ENOX1: variants seen among roughly 807,000 people sequenced by gnomAD.
The protein encoded by ENOX1 is ecto-NOX disulfide-thiol exchanger 1.
A neutral mutation model predicts 82.5 loss-of-function variants in ENOX1; 42 were observed. The observed-to-expected ratio is 0.51, with a 90% CI of 0.40 to 0.66. The LOEUF is 0.66. Ranked by LOEUF, ENOX1 falls within the 30% of genes least tolerant of loss-of-function variation. The pLI is 0.00. For missense variants in ENOX1, 608 were observed against 811.6 expected (o/e 0.75, Z 3.05); for synonymous variants, 271 against 282.2 (o/e 0.96, Z 0.40).
intron 1 of ENOX1, among the ~76,000 whole-genome samples, chr13:43,785,905 T>A: frequency 6.6e-6 from 1 of 151,872 alleles, no homozygotes; most frequent in East Asian, 2.0e-4. Flanking sequence ...GGCTCGCACG[T>A]GTCGGGTCCG....
intron 5 of ENOX1, among the ~76,000 whole-genome samples, chr13:43,398,253 C>T (rs569756042): frequency 5.9e-5 from 9 of 152,316 alleles, no homozygotes; most frequent in African/African-American, 2.2e-4. Context: ...CTTTACAGCT[C>T]AGCTACTTTT....
chr13:43,630,847 A>G (rs1486585163), intron 2 of ENOX1, among the ~76,000 whole-genome samples: 1 of 89,566 alleles, frequency 1.1e-5, no homozygotes, highest in Admixed American at 1.2e-4. Context: ...ACACACACAC[A>G]TATATATATA....
chr13:43,288,158 GT>G (rs376556729), intron 12 of ENOX1, among the ~76,000 whole-genome samples: 2 of 152,312 alleles, frequency 1.3e-5, no homozygotes, highest in African/African-American at 4.8e-5. Context: ...CCCTGGAATA[GT>G]TAAAGGAAGA....
intron 2 of ENOX1, among the ~76,000 whole-genome samples, chr13:43,663,596 T>A (rs182526679): frequency 6.6e-6 from 1 of 152,302 alleles, no homozygotes; most frequent in African/African-American, 2.4e-5. Flanking sequence ...AAATCATTGC[T>A]TTCTCCCACA....
intron 2 of ENOX1, among the ~76,000 whole-genome samples, chr13:43,571,884 AGCGGTGGG>A (rs1479607956): frequency 1.3e-5 from 2 of 152,034 alleles, no homozygotes; most frequent in Non-Finnish European, 2.9e-5. Flanking sequence ...ATATCAGACA[AGCGGTGGG>A]GCGGTGGGGG....
chr13:43,247,543 A>G (rs1007875437), intron 14 of ENOX1, among the ~76,000 whole-genome samples: 1 of 151,822 alleles, frequency 6.6e-6, no homozygotes. Flanking sequence ...GAGTAGCTAT[A>G]GCAGTGTGAG....
At chr13:43,430,461 C>G (rs1162419888) in intron 3 of ENOX1, among the ~76,000 whole-genome samples, 1 of 152,160 alleles carries the variant, frequency 6.6e-6, no homozygotes, top group Non-Finnish European at 1.5e-5. Flanking sequence ...AATTTCTTTT[C>G]TTTATTCCCT....
intron 2 of ENOX1, among the ~76,000 whole-genome samples, chr13:43,587,915 C>T (rs978541934): frequency 6.7e-6 from 1 of 149,942 alleles, no homozygotes; most frequent in Non-Finnish European, 1.5e-5. Flanking sequence ...AGGAGGTATC[C>T]TCCAATTCCA....
At chr13:43,639,265 G>A (rs1251496884) in intron 2 of ENOX1, among the ~76,000 whole-genome samples, 1 of 152,128 alleles carries the variant, frequency 6.6e-6, no homozygotes, top group Non-Finnish European at 1.5e-5. Flanking sequence ...CGGCGCCACT[G>A]CACTCCAACC....
At chr13:43,652,461 TGTC>T (rs2084237691) in intron 2 of ENOX1, among the ~76,000 whole-genome samples, 1 of 152,170 alleles carries the variant, frequency 6.6e-6, no homozygotes, top group South Asian at 2.1e-4. Context: ...CAATAAAACT[TGTC>T]AGCTGAGGGC....
chr13:43,346,771 T>C (rs1258292538), intron 8 of ENOX1, among the ~76,000 whole-genome samples: 1 of 152,170 alleles, frequency 6.6e-6, no homozygotes, highest in Non-Finnish European at 1.5e-5. Context: ...GAATAAATTG[T>C]GCCTCCCTCC....
chr13:43,699,190 G>C (rs944275287), intron 1 of ENOX1, among the ~76,000 whole-genome samples: 4 of 152,134 alleles, frequency 2.6e-5, no homozygotes, highest in African/African-American at 9.7e-5. Flanking sequence ...CCCTCATATC[G>C]CACTGAGGCA....
chr13:43,715,955 C>T (rs188675608), intron 1 of ENOX1, among the ~76,000 whole-genome samples: 2 of 152,148 alleles, frequency 1.3e-5, no homozygotes, highest in Admixed American at 6.6e-5. Context: ...GGTAACCATT[C>T]GTCTAATTTT....
intron 1 of ENOX1, among the ~76,000 whole-genome samples, chr13:43,755,296 G>A (rs900200894): frequency 6.6e-6 from 1 of 152,134 alleles, no homozygotes; most frequent in Non-Finnish European, 1.5e-5. Flanking sequence ...GAAGGGCAGA[G>A]AGAAATAGAC....
chr13:43,338,568 A>G (rs2048851146), intron 9 of ENOX1, among the ~76,000 whole-genome samples: 1 of 151,988 alleles, frequency 6.6e-6, no homozygotes, highest in Non-Finnish European at 1.5e-5. Flanking sequence ...AGCAGGATAG[A>G]CGATGTCCTC....
chr13:43,214,149 G>C (rs770139238), intron 16 of ENOX1, 28 bp from the exon 17 acceptor site: 2 of 1,607,384 alleles, frequency 1.2e-6, no homozygotes, highest in South Asian at 2.2e-5. Context: ...AAGTCACTTT[G>C]GGGAAAGGAA....
chr13:43,631,676 A>G (rs1420942020), intron 2 of ENOX1, among the ~76,000 whole-genome samples: 1 of 150,100 alleles, frequency 6.7e-6, no homozygotes, highest in African/African-American at 2.5e-5. Context: ...TCGGGAACAC[A>G]ATATCTACAC....
At chr13:43,356,913 C>T (rs1594119595) in intron 7 of ENOX1, among the ~76,000 whole-genome samples, 1 of 152,166 alleles carries the variant, frequency 6.6e-6, no homozygotes, top group Non-Finnish European at 1.5e-5. Flanking sequence ...CAGCCCCGTG[C>T]AAGAGCCCAG....
intron 3 of ENOX1, among the ~76,000 whole-genome samples, chr13:43,435,945 AC>A (rs1008096476): frequency 7.9e-5 from 12 of 151,386 alleles, no homozygotes; most frequent in African/African-American, 2.9e-4. Context: ...AAAAAAAAAA[AC>A]CAACCTATGT....
Sources: gnomAD v4.1 joint callset for allele counts (sites outside exome capture counted in the v4.1 genomes callset) on GRCh38, gnomAD v4.1.1 for gene constraint, MANE v1.5 for transcripts, NCBI Gene and HGNC (gene_info 2026-07-23, HGNC 2026-07-21) for gene names.